The following WDR27 variants were observed in gnomAD, a reference collection of about 807,000 sequenced individuals.
The protein encoded by WDR27 is WD repeat-containing protein 27.
A neutral mutation model predicts 114.4 loss-of-function variants in WDR27; 100 were observed. The observed-to-expected ratio is 0.87, with a 90% CI of 0.74 to 1.03. The LOEUF (loss-of-function observed/expected upper bound fraction) is 1.03. WDR27 is among the 50% of genes least tolerant of loss of function. WDR27 has a pLI of 0.00. For synonymous variants in WDR27, 449 were observed against 423.1 expected, an observed-to-expected ratio of 1.06 and a Z score of -0.75; for missense variants, 1,129 against 1,092.9, an observed-to-expected ratio of 1.03 and a Z score of -0.47.
chr6:169,505,081 A>C (rs1562505745), intron 25 of WDR27, among the ~76,000 whole-genome samples: 1 of 152,254 alleles, frequency 6.6e-6, no homozygotes, highest in Non-Finnish European at 1.5e-5. Context: ...TCTGTGAATT[A>C]ATAAGTGATA....
intron 25 of WDR27, among the ~76,000 whole-genome samples, chr6:169,490,575 A>G (rs1789625108): frequency 6.6e-6 from 1 of 152,196 alleles, no homozygotes; most frequent in Non-Finnish European, 1.5e-5. Flanking sequence ...TGGGGGCTAA[A>G]TGCTTTGCCA....
At chr6:169,555,748 C>T (rs1798783102) in intron 25 of WDR27, among the ~76,000 whole-genome samples, 2 of 152,044 alleles carry the variant, frequency 1.3e-5, no homozygotes, top group Admixed American at 1.3e-4. Flanking sequence ...AACAACCATA[C>T]CACTGGAAGA....
rs768389520 is a variant in WDR27 at position 169,659,416 on chromosome 6, CT to C, written c.1197+34del. ...AAGAAAGAAGAAATCAGAGGCACGT[CT>C]CATAGACAGGGAGGGCCGCGTCTCA... On this transcript the variant is annotated intron_variant, in intron 11 of 25. Transcript: ENST00000448612. The surrounding 1 kb of genome is among the most constrained non-coding windows in gnomAD (Gnocchi z 4.3). 1 of 1,600,502 alleles carries C rather than the reference CT, an allele frequency of 6.2e-7. No homozygotes were observed. Among genetic ancestry groups the C allele is most frequent in the Non-Finnish European group, 8.5e-7 (1 of 1,173,344 alleles).
At chr6:169,444,669 GTTT>G in the WDR27 span, among the ~76,000 whole-genome samples, 42 of 138,808 alleles carry the variant, frequency 3.0e-4, no homozygotes, top group African/African-American at 1.1e-3. Context: ...CTGTTTTTTT[GTTT>G]TTTTTTTTTT....
the WDR27 span, among the ~76,000 whole-genome samples, chr6:169,445,854 G>A: frequency 4.6e-5 from 7 of 152,376 alleles, no homozygotes; most frequent in East Asian, 1.2e-3. Context: ...AGCCGGTGAC[G>A]CCTGGACCCC....
rs180772022 is a variant in WDR27, at chr6:169,490,903, C to G, written c.2646-33269G>C. Among the ~76,000 whole-genome samples the G allele has an allele frequency of 1.2e-4, 18 of 152,290 alleles. No individual in the cohort carries two copies. In the East Asian group the frequency reaches 3.5e-3, roughly 29 times the overall value. ...GCCCAAAACATCCCCTGCAGGATAACAGGCCCAAAGCTGGACTCCTGAACT... is the reference window on the plus strand; with the variant it reads ...GCCCAAAACATCCCCTGCAGGATAAGAGGCCCAAAGCTGGACTCCTGAACT... On this transcript the variant is annotated intron_variant, in intron 25 of 25. Transcript: ENST00000448612.
intron 25 of WDR27, among the ~76,000 whole-genome samples, chr6:169,486,555 G>A (rs575673762): frequency 7.4e-4 from 113 of 152,182 alleles, no homozygotes; most frequent in Non-Finnish European, 1.4e-3. Flanking sequence ...GCAGTGGCGC[G>A]ATCTCGGCTC....
At chr6:169,551,737 C>CA (rs1296878043) in intron 25 of WDR27, among the ~76,000 whole-genome samples, 3,400 of 60,590 alleles carry the variant, frequency 0.056, 165 homozygotes, top group African/African-American at 0.13. Flanking sequence ...GACTCCATCT[C>CA]AAAAAAAAAA....
intron 25 of WDR27, among the ~76,000 whole-genome samples, chr6:169,547,011 C>T (rs562578048): frequency 6.6e-6 from 1 of 152,116 alleles, no homozygotes; most frequent in East Asian, 1.9e-4. Context: ...AAGTACAGAT[C>T]TTATAATATA....
chr6:169,581,174 G>A lies in WDR27; in HGVS notation c.2523+1662C>T, dbSNP rs1260576638. ...TTTTATTCATTAATCTCAAGGGCAA[G>A]AGAGACCTACCCAACCTTTTTCTCA... On this transcript the variant is annotated intron_variant, in intron 24 of 25. Coordinates refer to ENST00000448612, the MANE Select transcript of WDR27 (RefSeq NM_182552.5). Among the ~76,000 whole-genome samples, 5 of 152,084 alleles carry A rather than the reference G, an allele frequency of 3.3e-5. No homozygotes were observed. In the East Asian group the frequency reaches 9.7e-4, roughly 29 times the overall value.
the WDR27 span, among the ~76,000 whole-genome samples, chr6:169,435,994 T>A: frequency 6.6e-6 from 1 of 152,246 alleles, no homozygotes; most frequent in South Asian, 2.1e-4. Flanking sequence ...TTACTCATAA[T>A]TAATTTTTAA....
At chr6:169,481,448 C>T (rs770320107) in intron 25 of WDR27, among the ~76,000 whole-genome samples, 1 of 152,212 alleles carries the variant, frequency 6.6e-6, no homozygotes, top group Non-Finnish European at 1.5e-5. Flanking sequence ...GCAACCTGCT[C>T]GGGTTCCCTT....
intron 25 of WDR27, among the ~76,000 whole-genome samples, chr6:169,484,263 T>C (rs928563754): frequency 2.6e-5 from 4 of 152,218 alleles, no homozygotes; most frequent in Non-Finnish European, 5.9e-5. Flanking sequence ...CATGATTCTA[T>C]ATCTACAAAA....
At chr6:169,633,269 C>T (rs1816857602) in intron 20 of WDR27, among the ~76,000 whole-genome samples, 1 of 152,206 alleles carries the variant, frequency 6.6e-6, no homozygotes, top group Admixed American at 6.5e-5. Flanking sequence ...TTGGCAAGAG[C>T]AGGTGGACGG....
chr6:169,467,457 G>A (rs539333698), intron 25 of WDR27, among the ~76,000 whole-genome samples: 1 of 152,328 alleles, frequency 6.6e-6, no homozygotes, highest in South Asian at 2.1e-4. Flanking sequence ...ATACATCCTT[G>A]AAATAAAGGT....
Position 169,676,804 on chromosome 6 carries a change from T to C in WDR27, c.190-4408A>G, listed in dbSNP as rs62422546. Among the ~76,000 whole-genome samples the C allele has an allele frequency of 9.2e-3, 1,395 of 152,308 alleles. 13 individuals are homozygous for C. Among genetic ancestry groups the C allele is most frequent in the Non-Finnish European group, 0.015 (1,026 of 68,028 alleles). Reference sequence around the variant, plus strand: ...GCCCCCACTTTGAACTGTCCCACCTTTCTGGACCTAAGCAATGTACATATT... The same window carrying C: ...GCCCCCACTTTGAACTGTCCCACCTCTCTGGACCTAAGCAATGTACATATT... On this transcript the variant is annotated intron_variant, in intron 2 of 25. Transcript: ENST00000448612.
At chr6:169,667,891 G>T in intron 5 of WDR27, 91 bp downstream of exon 5, 1 of 1,265,856 alleles carries the variant, frequency 7.9e-7, no homozygotes, top group Non-Finnish European at 1.1e-6. Flanking sequence ...TCAGGCGGCC[G>T]TGGCCGTGAA....
At chr6:169,693,517 C>A (rs535051573) in intron 1 of WDR27, among the ~76,000 whole-genome samples, 125 of 152,276 alleles carry the variant, frequency 8.2e-4, no homozygotes, top group African/African-American at 2.9e-3. Flanking sequence ...GGTCTAAGTG[C>A]TCCACTGGAA....
Position 169,659,280 on chromosome 6 carries a change from G to C in WDR27, c.1198-73C>G. 6.4e-6 allele frequency: 10 copies of C among 1,556,574 alleles called. No homozygotes were observed. Among genetic ancestry groups the C allele is most frequent in the Non-Finnish European group, 8.7e-6 (10 of 1,148,694 alleles). ...GCAGACGAAACGTGCATCCGCACAC[G>C]TATCCTAACAGCTGCTTCATTCTCA... On this transcript the variant is annotated intron_variant, in intron 11 of 25. Transcript: ENST00000448612. The surrounding 1 kb of genome is among the most constrained non-coding windows in gnomAD (Gnocchi z 4.3).
Sources: allele counts gnomAD v4.1 joint callset (sites outside exome capture counted in the v4.1 genomes callset), GRCh38; gene constraint gnomAD v4.1.1; non-coding constraint Gnocchi (gnomAD v3.1); transcripts MANE v1.5; gene names NCBI Gene and HGNC (gene_info 2026-07-23, HGNC 2026-07-21).